DIS3L2: variants seen among roughly 807,000 people sequenced by gnomAD.
The protein encoded by DIS3L2 is DIS3-like exonuclease 2.
In DIS3L2, 34 loss-of-function variants were observed where a neutral mutation model predicts 97.5. That is an observed-to-expected ratio of 0.35 (90% CI 0.27 to 0.46). The LOEUF (loss-of-function observed/expected upper bound fraction) is 0.46, where lower values mean the gene tolerates loss of function less well. DIS3L2 is among the 20% of genes least tolerant of loss of function. DIS3L2 has a pLI of 1.00. For synonymous variants in DIS3L2, 435 were observed against 445.2 expected (o/e 0.98, Z 0.29); for missense variants, 1,038 against 1,146.0 (o/e 0.91, Z 1.36).
intron 5 of DIS3L2, among the ~76,000 whole-genome samples, chr2:232,035,052 T>G (rs1481253510): frequency 2.0e-5 from 3 of 152,106 alleles, no homozygotes; most frequent in Non-Finnish European, 4.4e-5. Context: ...GATTATTGTC[T>G]GTTATTGACA....
At chr2:232,189,558 T>C (rs1691553658) in intron 9 of DIS3L2, among the ~76,000 whole-genome samples, 1 of 152,190 alleles carries the variant, frequency 6.6e-6, no homozygotes, top group Non-Finnish European at 1.5e-5. Flanking sequence ...ATAGAACAGA[T>C]TCGTAGTTGC....
At chr2:231,971,796 T>C (rs1692922175) in intron 1 of DIS3L2, among the ~76,000 whole-genome samples, 2 of 150,032 alleles carry the variant, frequency 1.3e-5, no homozygotes, top group African/African-American at 2.4e-5. Context: ...TGGCCCAGGA[T>C]GGTCTCAAAC....
At chr2:232,226,759 C>G (rs1323130771) in intron 10 of DIS3L2, among the ~76,000 whole-genome samples, 1 of 152,098 alleles carries the variant, frequency 6.6e-6, no homozygotes. Flanking sequence ...ATTGCTTGAG[C>G]CTAGGAGTTC....
chr2:232,268,809 C>T lies in DIS3L2; in HGVS notation c.1659+5369C>T, dbSNP rs762326974. ...CAGTGAGCTTTTAGCAGCTCATCAT[C>T]ACTTCACAGGGAAGCCAGGCTGGGT... On this transcript the variant is annotated intron_variant, in intron 13 of 20. Transcript: ENST00000325385. The surrounding 1 kb of genome is among the most constrained non-coding windows in gnomAD (Gnocchi z 4.1). Among the ~76,000 whole-genome samples, 6 of 152,248 alleles carry T rather than the reference C, an allele frequency of 3.9e-5. No homozygotes were observed. The highest frequency in any genetic ancestry group is 8.8e-5 in the Non-Finnish European group (6 of 68,040).
chr2:232,036,413 A>G (rs192642943), intron 5 of DIS3L2, among the ~76,000 whole-genome samples: 170 of 152,292 alleles, frequency 1.1e-3, no homozygotes, highest in African/African-American at 3.6e-3. Context: ...CTAGTGAGCA[A>G]TTCCTCTAAC....
intron 1 of DIS3L2, among the ~76,000 whole-genome samples, chr2:231,989,709 G>C (rs958295542): frequency 6.6e-6 from 1 of 151,994 alleles, no homozygotes; most frequent in Non-Finnish European, 1.5e-5. Context: ...GGTGGTATAC[G>C]CCTATAGTCC....
intron 13 of DIS3L2, among the ~76,000 whole-genome samples, chr2:232,288,440 A>G (rs536771540): frequency 2.0e-5 from 3 of 152,234 alleles, no homozygotes; most frequent in Non-Finnish European, 4.4e-5. Context: ...ATTCACCCGT[A>G]AAACAAACCA....
intron 9 of DIS3L2, among the ~76,000 whole-genome samples, chr2:232,164,141 C>T (rs1690736089): frequency 6.6e-6 from 1 of 152,156 alleles, no homozygotes; most frequent in Non-Finnish European, 1.5e-5. Context: ...CTTCTCATTG[C>T]CATAGATCTG....
At chr2:232,334,150 GGCCGGT>G (rs1322363715) in intron 17 of DIS3L2, among the ~76,000 whole-genome samples, 163 bp downstream of exon 17, 1 of 152,188 alleles carries the variant, frequency 6.6e-6, no homozygotes, top group Non-Finnish European at 1.5e-5. Flanking sequence ...TCTCCCTACG[GGCCGGT>G]GCTGCAGAAG....
At chr2:232,035,363 C>G (rs549289321) in intron 5 of DIS3L2, among the ~76,000 whole-genome samples, 1 of 152,168 alleles carries the variant, frequency 6.6e-6, no homozygotes, top group African/African-American at 2.4e-5. Context: ...AAATATTCCT[C>G]CATCCCTTTA....
At chr2:232,056,136 T>C (rs964540681) in intron 5 of DIS3L2, among the ~76,000 whole-genome samples, 3 of 152,062 alleles carry the variant, frequency 2.0e-5, no homozygotes, top group East Asian at 1.9e-4. Flanking sequence ...TTTGGGAGGC[T>C]GAGGCAGGCA....
chr2:232,083,701 G>A (rs1022154187), intron 5 of DIS3L2, among the ~76,000 whole-genome samples: 10 of 151,946 alleles, frequency 6.6e-5, no homozygotes, highest in Non-Finnish European at 1.3e-4. Context: ...CACCATGTTG[G>A]CCAGGCTGGT....
intron 10 of DIS3L2, among the ~76,000 whole-genome samples, chr2:232,228,180 A>G (rs1428280310): frequency 2.0e-5 from 3 of 152,148 alleles, no homozygotes; most frequent in African/African-American, 7.2e-5. Flanking sequence ...TGGTCAGGCT[A>G]GTCTCCAACT....
chr2:232,306,335 T>A (rs1240004117), intron 14 of DIS3L2, among the ~76,000 whole-genome samples: 1 of 152,146 alleles, frequency 6.6e-6, no homozygotes, highest in Non-Finnish European at 1.5e-5. Context: ...CATGACCAGG[T>A]CTTCAGTTCC....
chr2:232,225,451 A>G (rs889185743), intron 10 of DIS3L2, among the ~76,000 whole-genome samples: 6 of 152,244 alleles, frequency 3.9e-5, no homozygotes, highest in Non-Finnish European at 8.8e-5. Flanking sequence ...GTGTTGAGCA[A>G]AATAAGCCAG....
In DIS3L2 at chr2:232,030,059, G is replaced by A. The variant is rs1334969043; in HGVS notation, c.345G>A (p.Leu115=). 1.2e-6 allele frequency: 2 copies of A among 1,610,794 alleles called. No individual in the cohort carries two copies. The highest frequency in any genetic ancestry group is 1.7e-6 in the Non-Finnish European group (2 of 1,178,724). Residue 115 remains leucine (L), a synonymous_variant, in exon 5 of 21, where the codon CTG becomes CTA. Coordinates refer to ENST00000325385, the MANE Select transcript of DIS3L2 (RefSeq NM_152383.5). The stretch of plus-strand genomic sequence containing the variant: ...ATGGGGATCTGGTGGTCGTGAAACT[G>A]CTTCCCGAGGAGCATTGGAAGGTGA... The part of the protein sequence containing the change: ...ALNGDLVVVK[L]LPEEHWKVVK...
At chr2:232,081,284 C>G (rs1015053071) in intron 5 of DIS3L2, among the ~76,000 whole-genome samples, 23 of 152,080 alleles carry the variant, frequency 1.5e-4, no homozygotes, top group African/African-American at 5.1e-4. Flanking sequence ...CCTCTCTGGT[C>G]CATCCATTAT....
At chr2:232,039,329 C>T (rs1043637770) in intron 5 of DIS3L2, among the ~76,000 whole-genome samples, 13 of 152,196 alleles carry the variant, frequency 8.5e-5, no homozygotes, top group East Asian at 7.7e-4. Context: ...AATTGTCTTA[C>T]AGGTTTGTTA....
At chr2:232,112,979 G>A (rs2106333854) in intron 6 of DIS3L2, among the ~76,000 whole-genome samples, 1 of 152,238 alleles carries the variant, frequency 6.6e-6, no homozygotes, top group South Asian at 2.1e-4. Context: ...ATTAGTACAG[G>A]ATGCACAGTG....
Sources: allele counts gnomAD v4.1 joint callset (sites outside exome capture counted in the v4.1 genomes callset), GRCh38; gene constraint gnomAD v4.1.1; non-coding constraint Gnocchi (gnomAD v3.1); transcripts MANE v1.5; gene names NCBI Gene and HGNC (gene_info 2026-07-23, HGNC 2026-07-21).